TRPM7: variants seen among roughly 807,000 people sequenced by gnomAD.
TRPM7 encodes the protein transient receptor potential cation channel subfamily M member 7, also known as LTRPC ion channel family member 7.
Under a neutral mutation model 229.7 loss-of-function variants are expected in TRPM7, and 134 were observed. That is an observed-to-expected ratio of 0.58 (90% CI 0.51 to 0.67). TRPM7 has a LOEUF of 0.67. Among genes scored for constraint, TRPM7 ranks in the 30% least tolerant of loss-of-function variants. TRPM7 has a pLI of 0.00. For missense variants in TRPM7, 1,901 were observed against 2,210.0 expected (o/e 0.86, Z 2.80); for synonymous variants, 699 against 715.2 (o/e 0.98, Z 0.36).
At chr15:50,627,922 G>A (rs1452605210) in intron 11 of TRPM7, among the ~76,000 whole-genome samples, 1 of 152,184 alleles carries the variant, frequency 6.6e-6, no homozygotes, top group Non-Finnish European at 1.5e-5. Context: ...GCTTCTTTCA[G>A]TTCTAAGATT....
intron 36 of TRPM7, among the ~76,000 whole-genome samples, chr15:50,573,315 G>A (rs1295812799): frequency 6.6e-6 from 1 of 152,186 alleles, no homozygotes; most frequent in Non-Finnish European, 1.5e-5. Flanking sequence ...GAAGCCAGCT[G>A]CTATGTAAGA....
chr15:50,592,798 G>C (rs560198428), intron 25 of TRPM7, among the ~76,000 whole-genome samples, 172 bp from the exon 26 acceptor site: 4 of 152,226 alleles, frequency 2.6e-5, no homozygotes, highest in African/African-American at 9.6e-5. Context: ...GTTTAAGAAG[G>C]ATCCAGTGCT....
intron 4 of TRPM7, among the ~76,000 whole-genome samples, chr15:50,647,142 T>C (rs1352199269): frequency 6.6e-6 from 1 of 152,192 alleles, no homozygotes; most frequent in Non-Finnish European, 1.5e-5. Flanking sequence ...GTATTCTTTT[T>C]CTTTTTTTGA....
intron 1 of TRPM7, among the ~76,000 whole-genome samples, chr15:50,674,139 C>T (rs2062047023): frequency 6.6e-6 from 1 of 152,174 alleles, no homozygotes; most frequent in Non-Finnish European, 1.5e-5. Context: ...CAGGTACCTG[C>T]CACCACGCCC....
At chr15:50,646,122 A>C (rs1232764641) in intron 4 of TRPM7, among the ~76,000 whole-genome samples, 5 of 152,088 alleles carry the variant, frequency 3.3e-5, no homozygotes, top group African/African-American at 1.2e-4. Flanking sequence ...AAAAAAAAAA[A>C]AAAAGACATT....
chr15:50,678,246 A>AAAC (rs1555435865), intron 1 of TRPM7, among the ~76,000 whole-genome samples: 1 of 142,504 alleles, frequency 7.0e-6, no homozygotes, highest in African/African-American at 2.6e-5. Context: ...TCTCAAAAAA[A>AAAC]AAAAACAAAA....
In TRPM7 at chr15:50,657,638, C is replaced by A. The variant is rs913573745; in HGVS notation, c.122+143G>T. On this transcript the variant is annotated intron_variant, in intron 3 of 38. Transcript: ENST00000646667. ...TGAGTTTCAAACAGCCTTGACTGAC[C>A]CTTCACCTTCCAAGTCTAGGTAAAG... The A allele has an allele frequency of 2.1e-5, 14 of 678,082 alleles. No individual in the cohort carries two copies. In the East Asian group the frequency reaches 3.9e-4, roughly 19 times the overall value. The allele number at this position is 678,082 out of a possible 1,614,324, so 42.0% of individuals were successfully genotyped here.
chr15:50,686,571 C>T lies in TRPM7; in HGVS notation c.-38G>A. 6.2e-7 allele frequency: 1 copy of T among 1,608,814 alleles called. No individual in the cohort carries two copies. Among genetic ancestry groups the T allele is most frequent in the South Asian group, 1.1e-5 (1 of 90,862 alleles). ...GCGGACTCCGGAAGGGCAGCAACTC[C>T]ACCTCCTCCTCCTCCGCGGCCTGTA... On this transcript the variant is annotated 5_prime_UTR_variant, in exon 1 of 39. Coordinates refer to ENST00000646667, the MANE Select transcript of TRPM7 (RefSeq NM_017672.6).
At chr15:50,631,387 T>C in intron 10 of TRPM7, 30 bp downstream of exon 10, 2 of 1,440,958 alleles carry the variant, frequency 1.4e-6, no homozygotes, top group Non-Finnish European at 1.9e-6. Context: ...ATAAAAGGTC[T>C]TACAAATAAA....
intron 12 of TRPM7, among the ~76,000 whole-genome samples, chr15:50,620,407 A>G (rs625022): frequency 0.08 from 12,102 of 152,178 alleles, 578 homozygotes; most frequent in South Asian, 0.12. Flanking sequence ...AGGAAAGCCA[A>G]AAGATTGGAC....
At chr15:50,577,776 C>T (rs1596080277) in intron 31 of TRPM7, among the ~76,000 whole-genome samples, 1 of 152,224 alleles carries the variant, frequency 6.6e-6, no homozygotes, top group Non-Finnish European at 1.5e-5. Flanking sequence ...CTTGTAGCAG[C>T]AAGTCATAAT....
At position 50,596,224 on chromosome 15, in the gene TRPM7, C is replaced by T. The variant is rs1053119735; in HGVS notation, c.3290+31G>A. ...TATGTAGAATTGCATATTAAATCAT[C>T]TTATAACAAACAATTGAACAAAATT... On this transcript the variant is annotated intron_variant, in intron 23 of 38. Coordinates refer to ENST00000646667, the MANE Select transcript of TRPM7 (RefSeq NM_017672.6). 5 of 1,402,226 alleles carry T rather than the reference C, an allele frequency of 3.6e-6. No homozygotes were observed. The Admixed American group carries it at 7.4e-5, about 21-fold the overall frequency. 86.9% of individuals were successfully genotyped at this position (1,402,226 alleles called of 1,614,324 possible). A position where few individuals can be genotyped will look rare whatever the true frequency, so the allele number is the denominator to read the frequency against.
intron 12 of TRPM7, among the ~76,000 whole-genome samples, chr15:50,621,018 G>C (rs540185205): frequency 6.6e-6 from 1 of 152,016 alleles, no homozygotes; most frequent in African/African-American, 2.4e-5. Context: ...AATTAGCCGG[G>C]CATGGTGGCG....
chr15:50,562,446 CAG>C (rs2053358964), intron 38 of TRPM7, among the ~76,000 whole-genome samples: 1 of 151,974 alleles, frequency 6.6e-6, no homozygotes, highest in Admixed American at 6.6e-5. Flanking sequence ...AATAAGCAAA[CAG>C]AAAAATGACA....
chr15:50,579,292 C>T (rs1184561401), intron 30 of TRPM7, among the ~76,000 whole-genome samples: 1 of 152,184 alleles, frequency 6.6e-6, no homozygotes, highest in Non-Finnish European at 1.5e-5. Flanking sequence ...ACTTTCATTA[C>T]ACAGCTATGT....
intron 2 of TRPM7, among the ~76,000 whole-genome samples, chr15:50,660,807 T>C (rs2061702244): frequency 6.6e-6 from 1 of 152,174 alleles, no homozygotes; most frequent in Non-Finnish European, 1.5e-5. Flanking sequence ...TGGCATTACA[T>C]AACCTAAGGG....
At chr15:50,651,509 C>A (rs2061418829) in intron 3 of TRPM7, among the ~76,000 whole-genome samples, 1 of 151,396 alleles carries the variant, frequency 6.6e-6, no homozygotes, top group African/African-American at 2.4e-5. Context: ...AAAGAAAGAC[C>A]ATGCTTGTTG....
intron 1 of TRPM7, among the ~76,000 whole-genome samples, chr15:50,664,668 C>T (rs1334497161): frequency 6.6e-6 from 1 of 152,114 alleles, no homozygotes; most frequent in Non-Finnish European, 1.5e-5. Context: ...GTCAATCAAA[C>T]AAAACCTAAC....
chr15:50,594,553 A>C lies in TRPM7; in HGVS notation c.3351T>G (p.His1117Gln). The stretch of plus-strand genomic sequence containing the variant: ...GTTTCTCATGATAAGCCATAATAAA[A>C]TGATAACGCTGGTACTTCCATACAA... ...SNIVWKYQRY[H>Q]FIMAYHEKPV... Residue 1117 changes from histidine (H) to glutamine (Q), a missense_variant, in exon 24 of 39, where the codon CAT becomes CAG. Coordinates refer to ENST00000646667, the MANE Select transcript of TRPM7 (RefSeq NM_017672.6). 1 of 1,613,012 alleles carries C rather than the reference A, an allele frequency of 6.2e-7. No individual in the cohort carries two copies. The highest frequency in any genetic ancestry group is 1.1e-5 in the South Asian group (1 of 90,942).
Sources: allele counts gnomAD v4.1 joint callset (sites outside exome capture counted in the v4.1 genomes callset), GRCh38; gene constraint gnomAD v4.1.1; transcripts MANE v1.5; gene names NCBI Gene and HGNC (gene_info 2026-07-23, HGNC 2026-07-21).